RASAL2: variants seen among roughly 807,000 people sequenced by gnomAD.
RASAL2 encodes the protein ras GTPase-activating protein nGAP.
A neutral mutation model predicts 128.9 loss-of-function variants in RASAL2; 58 were observed. The ratio of observed to expected loss-of-function variants is 0.45; its 90% confidence interval spans 0.36 to 0.56. The LOEUF (loss-of-function observed/expected upper bound fraction) is 0.56, where lower values mean the gene tolerates loss of function less well. Among genes scored for constraint, RASAL2 ranks in the 20% least tolerant of loss-of-function variants. The probability of loss-of-function intolerance (pLI) is 0.00; values close to 1 mark genes in which losing one functional copy is unlikely to be tolerated. For missense variants in RASAL2, 1,360 were observed against 1,601.6 expected (o/e 0.85, Z 2.57); for synonymous variants, 561 against 580.8 (o/e 0.97, Z 0.49).
Position 178,457,946 on chromosome 1 carries a change from C to T in RASAL2, c.2654C>T (p.Ala885Val), listed in dbSNP as rs576455588. 2.5e-5 allele frequency: 40 copies of T among 1,614,020 alleles called. No individual in the cohort carries two copies. The Middle Eastern group carries it at 4.9e-4, about 20-fold the overall frequency. Residue 885 changes from alanine to valine, a missense_variant, in exon 14 of 18, where the codon GCC becomes GTC. This residue lies in a region of RASAL2 where 741 missense variants were observed against 868.6 expected (regional missense o/e 0.85). Coordinates refer to ENST00000367649, the MANE Select transcript of RASAL2 (RefSeq NM_170692.4). ...AGCCAGCTTTCCATAACCCAGGTGG[C>T]CAGCATCAAACAGCTGCGGGAAACC... is the stretch of plus-strand genomic sequence containing the variant. ...TGSQLSITQV[A>V]SIKQLRETQS...
intron 4 of RASAL2, among the ~76,000 whole-genome samples, chr1:178,405,685 G>A (rs1239987578): frequency 6.6e-6 from 1 of 152,172 alleles, no homozygotes; most frequent in Non-Finnish European, 1.5e-5. Flanking sequence ...TTTGATTTTA[G>A]CCAGATGAGA....
chr1:178,432,124 A>G (rs1001674172), intron 5 of RASAL2, among the ~76,000 whole-genome samples: 1 of 151,748 alleles, frequency 6.6e-6, no homozygotes, highest in African/African-American at 2.4e-5. Context: ...GTTTCAGGAG[A>G]AAAATTAAAA....
At chr1:178,263,532 A>G (rs1184887086) in intron 1 of RASAL2, among the ~76,000 whole-genome samples, 1 of 152,234 alleles carries the variant, frequency 6.6e-6, no homozygotes, top group African/African-American at 2.4e-5. Context: ...CTCAAGAATG[A>G]TAATAATCAG....
Position 178,203,970 on chromosome 1 carries a change from C to T in RASAL2, c.203-79594C>T, listed in dbSNP as rs146396952. On this transcript the variant is annotated intron_variant, in intron 1 of 17. Transcript: ENST00000367649. ...GGGTCTCTCCACCAGGAAAAAAAAC[C>T]ATGACCTGCTGAGGTGCTTGCTGAA... 4.2e-3 allele frequency among the ~76,000 whole-genome samples: 639 copies of T among 152,314 alleles called. 3 individuals carry two copies. The highest frequency in any genetic ancestry group is 0.014 in the African/African-American group (583 of 41,558).
intron 1 of RASAL2, among the ~76,000 whole-genome samples, chr1:178,189,443 T>G (rs903748225): frequency 6.6e-6 from 1 of 152,194 alleles, no homozygotes; most frequent in Non-Finnish European, 1.5e-5. Flanking sequence ...TCATTGGTCT[T>G]ATGAGTATAC....
chr1:178,094,758 C>T (rs1658609124), intron 1 of RASAL2, 64 bp downstream of exon 1: 4 of 1,580,238 alleles, frequency 2.5e-6, no homozygotes, highest in Middle Eastern at 1.7e-4. Flanking sequence ...GAAATTCATT[C>T]CCTAAGTCAC....
At chr1:178,393,476 G>A (rs1438607682) in intron 4 of RASAL2, among the ~76,000 whole-genome samples, 2 of 152,150 alleles carry the variant, frequency 1.3e-5, no homozygotes, top group East Asian at 3.9e-4. Context: ...CCGCTGATCT[G>A]ACAGGAGGCA....
chr1:178,218,593 A>G (rs1441096738), intron 1 of RASAL2, among the ~76,000 whole-genome samples: 1 of 152,248 alleles, frequency 6.6e-6, no homozygotes, highest in Non-Finnish European at 1.5e-5. Context: ...AGGCTGAGGC[A>G]GGAGAATTGC....
At chr1:178,460,717 A>G (rs1678132956) in intron 14 of RASAL2, among the ~76,000 whole-genome samples, 1 of 151,938 alleles carries the variant, frequency 6.6e-6, no homozygotes, top group African/African-American at 2.4e-5. Flanking sequence ...TATCAGTTGA[A>G]GCATAAATCA....
intron 1 of RASAL2, among the ~76,000 whole-genome samples, chr1:178,135,495 A>AT (rs1660288644): frequency 1.3e-5 from 1 of 75,956 alleles, no homozygotes; most frequent in Admixed American, 1.5e-4. Flanking sequence ...TTGTCTCTTC[A>AT]TAAAAAAAAA....
chr1:178,298,596 T>C (rs1393230969), intron 2 of RASAL2, among the ~76,000 whole-genome samples: 1 of 152,196 alleles, frequency 6.6e-6, no homozygotes, highest in Non-Finnish European at 1.5e-5. Flanking sequence ...CCTGTCCTAC[T>C]TTTGCTGGAT....
At chr1:178,243,660 C>T (rs1664629387) in intron 1 of RASAL2, among the ~76,000 whole-genome samples, 1 of 151,472 alleles carries the variant, frequency 6.6e-6, no homozygotes, top group Non-Finnish European at 1.5e-5. Flanking sequence ...TTTTCTGTTC[C>T]TAGGTTTGAG....
intron 1 of RASAL2, among the ~76,000 whole-genome samples, chr1:178,204,300 G>T (rs1048430498): frequency 1.3e-5 from 2 of 152,174 alleles, no homozygotes; most frequent in Admixed American, 6.5e-5. Flanking sequence ...TGGAGATTAT[G>T]ATCTCAGGAG....
intron 1 of RASAL2, among the ~76,000 whole-genome samples, chr1:178,173,824 TTTATCCTTTCACATGACAAGAGA>T: frequency 6.6e-6 from 1 of 152,158 alleles, no homozygotes; most frequent in East Asian, 1.9e-4. Flanking sequence ...TCATTGGGTC[TTTATCCTTTCACATGACAAGAGA>T]GGAATTTTAA....
chr1:178,393,319 T>C (rs1673022066), intron 4 of RASAL2, among the ~76,000 whole-genome samples: 1 of 152,164 alleles, frequency 6.6e-6, no homozygotes, highest in Non-Finnish European at 1.5e-5. Context: ...TGAGTTTGTT[T>C]TTCTGCAACT....
At chr1:178,223,648 A>T (rs1209231629) in intron 1 of RASAL2, among the ~76,000 whole-genome samples, 1 of 152,200 alleles carries the variant, frequency 6.6e-6, no homozygotes, top group Non-Finnish European at 1.5e-5. Context: ...TATTTTGAAA[A>T]GATTATTCTG....
rs150350045 is a variant in RASAL2 at position 178,445,564 on chromosome 1, A to G, written c.1529A>G (p.Glu510Gly). Residue 510 changes from glutamate (E) to glycine (G), a missense_variant, in exon 9 of 18, where the codon GAG becomes GGG. By Grantham distance (98) the Glu-to-Gly change is moderately conservative (BLOSUM62 -2). Transcript: ENST00000367649. ...LVMSEVDRCG[E>G]HDVLIFRENT... ...ATGTCTGAGGTGGATCGTTGTGGAG[A>G]GCATGATGTCTTGATCTTCAGAGAG... The G allele has an allele frequency of 6.2e-7, 1 of 1,613,846 alleles. No homozygotes were observed. Among genetic ancestry groups the G allele is most frequent in the Non-Finnish European group, 8.5e-7 (1 of 1,179,818 alleles).
At chr1:178,241,409 A>G (rs1461836320) in intron 1 of RASAL2, among the ~76,000 whole-genome samples, 1 of 152,158 alleles carries the variant, frequency 6.6e-6, no homozygotes, top group East Asian at 1.9e-4. Context: ...GGAGAAAGTA[A>G]TAAGTTCACT....
rs1261065253 is a variant in RASAL2 at position 178,458,327 on chromosome 1, G to A, written c.3035G>A (p.Arg1012Gln). ...AATAGTACTGGGCAGGCCCAGATCC[G>A]AAAAGTGGACCAGGGTGGGTTAGGT... is the stretch of plus-strand genomic sequence containing the variant. ...RQNSTGQAQI[R>Q]KVDQGGLGAR... Residue 1012 changes from arginine to glutamine, a missense_variant, in exon 14 of 18, where the codon CGA (arginine) becomes CAA (glutamine). Physicochemically the swap from Arg to Gln is conservative, Grantham distance 43. Coordinates refer to ENST00000367649, the MANE Select transcript of RASAL2 (RefSeq NM_170692.4). The A allele has an allele frequency of 6.8e-6, 11 of 1,614,112 alleles. No homozygotes were observed. The highest frequency in any genetic ancestry group is 3.3e-5 in the Admixed American group (2 of 60,016).
Sources: allele counts gnomAD v4.1 joint callset (sites outside exome capture counted in the v4.1 genomes callset), GRCh38; gene constraint gnomAD v4.1.1; regional missense constraint gnomAD v4.1.1; transcripts MANE v1.5; gene names NCBI Gene and HGNC (gene_info 2026-07-23, HGNC 2026-07-21).